TASOR: variants seen among roughly 807,000 people sequenced by gnomAD.
The protein encoded by TASOR is transcription activation suppressor, also known as protein TASOR.
Under a neutral mutation model 178.6 loss-of-function variants are expected in TASOR, and 53 were observed. The observed-to-expected ratio is 0.30, with a 90% CI of 0.24 to 0.37. The LOEUF is 0.37. TASOR is among the 10% of genes least tolerant of loss of function. TASOR has a pLI of 1.00. For synonymous variants in TASOR, 713 were observed against 696.2 expected (o/e 1.02, Z -0.38); for missense variants, 1,815 against 1,971.4 (o/e 0.92, Z 1.50).
chr3:56,654,383 G>T, intron 11 of TASOR, among the ~76,000 whole-genome samples: 1 of 149,900 alleles, frequency 6.7e-6, no homozygotes, highest in African/African-American at 2.5e-5. Flanking sequence ...TTTAAAAGCT[G>T]TGGCAGGGGT....
intron 17 of TASOR, among the ~76,000 whole-genome samples, chr3:56,635,318 G>A (rs2076994140): frequency 6.6e-6 from 1 of 152,180 alleles, no homozygotes; most frequent in African/African-American, 2.4e-5. Flanking sequence ...ATAAGAATTA[G>A]AACTGTATGA....
Position 56,623,354 on chromosome 3 carries a change from G to A in TASOR, c.4696C>T (p.Leu1566Phe). ...ATAGAAGTTCTCTCTTCAGAATCAA[G>A]GTAAGTCTTATCTTCTAATAAACTG... ...QNSLLEDKTYLDSEERTSIDI... is the reference protein window; with the variant it reads ...QNSLLEDKTYFDSEERTSIDI... Residue 1566 changes from leucine (L) to phenylalanine (F), a missense_variant, in exon 24 of 24, where the codon CTT becomes TTT. Leu to Phe is a conservative substitution (Grantham distance 22, BLOSUM62 0). Coordinates refer to ENST00000683822, the MANE Select transcript of TASOR (RefSeq NM_001365635.2). 2 of 1,613,510 alleles carry A rather than the reference G, an allele frequency of 1.2e-6. No individual in the cohort carries two copies. The highest frequency in any genetic ancestry group is 1.7e-6 in the Non-Finnish European group (2 of 1,179,940).
chr3:56,623,155 T>C lies in TASOR; in HGVS notation c.4895A>G (p.Gln1632Arg). The C allele has an allele frequency of 6.2e-7, 1 of 1,613,876 alleles. No individual in the cohort carries two copies. Among genetic ancestry groups the C allele is most frequent in the Non-Finnish European group, 8.5e-7 (1 of 1,179,850 alleles). The change falls in exon 24 of 24, where the codon CAA becomes CGA. Residue 1632 changes from glutamine (Q) to arginine (R), a missense_variant. Gln to Arg is a conservative substitution (Grantham distance 43). Coordinates refer to ENST00000683822, the MANE Select transcript of TASOR (RefSeq NM_001365635.2). ...TPYALSSSQS[Q>R]ENENYFLSAY... ...AGATAAGAAGTAATTCTCATTTTCT[T>C]GAGACTGACTTGATGAAAGGGCATA...
Position 56,660,991 on chromosome 3 carries a change from A to C in TASOR, c.1187T>G (p.Val396Gly). 6.2e-7 allele frequency: 1 copy of C among 1,605,096 alleles called. No individual in the cohort carries two copies. Among genetic ancestry groups the C allele is most frequent in the Non-Finnish European group, 8.5e-7 (1 of 1,173,182 alleles). The change falls in exon 10 of 24, where the codon GTT becomes GGT. Residue 396 changes from valine to glycine, a missense_variant. Physicochemically the swap from Val to Gly is moderately radical, Grantham distance 109. Transcript: ENST00000683822. Reference protein sequence around the residue: ...KLPEKLDVETVMSIDHLKQKI... With the variant: ...KLPEKLDVETGMSIDHLKQKI... ...CTGTTTCAGATGATCAATACTCATA[A>C]CTGTTTCAACATCTAATTTCTCAGG...
chr3:56,631,066 T>C (rs942413027), intron 18 of TASOR, among the ~76,000 whole-genome samples: 1 of 152,084 alleles, frequency 6.6e-6, no homozygotes, highest in Non-Finnish European at 1.5e-5. Context: ...AACTTGTTGC[T>C]GGCTGGTGGG....
At chr3:56,668,255 G>A (rs2030274038) in intron 6 of TASOR, 142 bp downstream of exon 6, 1 of 721,176 alleles carries the variant, frequency 1.4e-6, no homozygotes, top group Non-Finnish European at 2.3e-6. Flanking sequence ...AGCAGCAACA[G>A]ACACTGGAGT....
chr3:56,646,658 C>T lies in TASOR; in HGVS notation c.2079G>A (p.Lys693=). ...ELINLIQCRK[K]SVGGDSDTED... ...CTGTGTCTGAGTCCCCACCCACACT[C>T]TTTTTCCTACACTGAATTAAATTAA... is the stretch of plus-strand genomic sequence containing the variant. Residue 693 remains lysine (K), a synonymous_variant, in exon 14 of 24, where the codon AAG becomes AAA. Coordinates refer to ENST00000683822, the MANE Select transcript of TASOR (RefSeq NM_001365635.2). The T allele has an allele frequency of 6.2e-7, 1 of 1,613,760 alleles. No individual in the cohort carries two copies. The highest frequency in any genetic ancestry group is 8.5e-7 in the Non-Finnish European group (1 of 1,180,004).
At chr3:56,682,650 G>A (rs537342097) in intron 1 of TASOR, 26 bp downstream of exon 1, 15 of 1,438,738 alleles carry the variant, frequency 1.0e-5, no homozygotes, top group African/African-American at 4.3e-5. Flanking sequence ...GAGAGAGAGG[G>A]GGTTGAGAAG....
intron 1 of TASOR, among the ~76,000 whole-genome samples, chr3:56,678,524 T>A (rs754156286): frequency 6.6e-6 from 1 of 152,098 alleles, no homozygotes; most frequent in African/African-American, 2.4e-5. Context: ...GCAGTGGGCA[T>A]TGATATATAA....
chr3:56,621,010 GTTAGTT>G lies in TASOR; in HGVS notation c.*2021_*2026del, dbSNP rs2076452226. The G allele has an allele frequency of 6.6e-6, 1 of 151,548 alleles. No individual in the cohort carries two copies. The highest frequency in any genetic ancestry group is 2.4e-5 in the African/African-American group (1 of 41,196). 9.4% of individuals were successfully genotyped at this position (151,548 alleles called of 1,614,324 possible). On this transcript the variant is annotated 3_prime_UTR_variant, in exon 24 of 24. Transcript: ENST00000683822. ...TACTAAAAATACAAAAAGTTAGTTAGTTAGTTAGCCAGGCGTGGTGGTGGGTGCCTG... is the reference window on the plus strand; with the variant it reads ...TACTAAAAATACAAAAAGTTAGTTAGAGCCAGGCGTGGTGGTGGGTGCCTG...
At chr3:56,649,516 C>T (rs2077305606) in intron 11 of TASOR, among the ~76,000 whole-genome samples, 1 of 152,184 alleles carries the variant, frequency 6.6e-6, no homozygotes, top group Non-Finnish European at 1.5e-5. Context: ...ACACATATTA[C>T]ATGAACACTT....
chr3:56,628,382 G>C, intron 19 of TASOR, 110 bp downstream of exon 19: 1 of 1,058,922 alleles, frequency 9.4e-7, no homozygotes. Flanking sequence ...GGGTCCTTAA[G>C]TTTAATCTCC....
At position 56,649,169 on chromosome 3, in the gene TASOR, T is replaced by C. The variant is rs1578236547; in HGVS notation, c.1369-112A>G. On this transcript the variant is annotated intron_variant, in intron 11 of 23. Transcript: ENST00000683822. ...AAGAAAAAAAGTTCTTAATCATCTT[T>C]TAAGAAAAAATATTGCTAATGAATT... 1.7e-5 allele frequency: 11 copies of C among 662,288 alleles called. No individual in the cohort carries two copies. The East Asian group carries it at 3.3e-4, about 20-fold the overall frequency. 41.0% of individuals were successfully genotyped at this position (662,288 alleles called of 1,614,324 possible).
chr3:56,636,290 A>G (rs1353737269), intron 17 of TASOR, among the ~76,000 whole-genome samples: 1 of 142,186 alleles, frequency 7.0e-6, no homozygotes, highest in Admixed American at 6.9e-5. Context: ...GCAAAAAAAA[A>G]TAGAAAAAAA....
chr3:56,627,838 T>C (rs567875024), intron 19 of TASOR, 97 bp from the exon 20 acceptor site: 2 of 1,048,576 alleles, frequency 1.9e-6, no homozygotes, highest in Admixed American at 4.7e-5. Flanking sequence ...CAGAATGCAT[T>C]ATGGCTCATC....
chr3:56,668,362 G>A lies in TASOR; in HGVS notation c.897+35C>T, dbSNP rs1559849424. On this transcript the variant is annotated intron_variant, in intron 6 of 23. Transcript: ENST00000683822. The stretch of plus-strand genomic sequence containing the variant: ...AAAGGATTTGGTAACAAACAGGTAT[G>A]AGATCACAACATTACAACGGATCCT... 3 of 1,540,908 alleles carry A rather than the reference G, an allele frequency of 1.9e-6. No homozygotes were observed. In the Admixed American group the frequency reaches 6.1e-5, roughly 31 times the overall value.
rs1208986026 is a variant in TASOR, at chr3:56,678,975, G to A, written c.331+3701C>T. On this transcript the variant is annotated intron_variant, in intron 1 of 23. Coordinates refer to ENST00000683822, the MANE Select transcript of TASOR (RefSeq NM_001365635.2). Reference sequence around the variant, plus strand: ...TGCAGTCAGCCGGGATCGCAACACTGCATCCCAGCCTGGGCAACAGAGGCT... The same window carrying A: ...TGCAGTCAGCCGGGATCGCAACACTACATCCCAGCCTGGGCAACAGAGGCT... Among the ~76,000 whole-genome samples, 3 of 143,952 alleles carry A rather than the reference G, an allele frequency of 2.1e-5. No individual in the cohort carries two copies. In the Admixed American group the frequency reaches 2.2e-4, roughly 10 times the overall value. The allele number at this position is 143,952 out of a possible 152,430, so 94.4% of individuals were successfully genotyped here.
rs142955755 is a variant in TASOR at position 56,641,594 on chromosome 3, T to C, written c.2374A>G (p.Thr792Ala). Residue 792 changes from threonine (T) to alanine (A), a missense_variant, in exon 15 of 24, where the codon ACA (threonine) becomes GCA (alanine). By Grantham distance (58) the Thr-to-Ala change is moderately conservative. Coordinates refer to ENST00000683822, the MANE Select transcript of TASOR (RefSeq NM_001365635.2). Reference sequence around the variant, plus strand: ...CTCAATCCTAAGGCTTTGTTGACTGTGTCTGTCAGAGATGCATCAGAATGG... The same window carrying C: ...CTCAATCCTAAGGCTTTGTTGACTGCGTCTGTCAGAGATGCATCAGAATGG... ...ARHSDASLTD[T>A]VNKALGLSTD... 23 of 1,614,068 alleles carry C rather than the reference T, an allele frequency of 1.4e-5. No individual in the cohort carries two copies. In the African/African-American group the frequency reaches 3.1e-4, roughly 22 times the overall value.
intron 11 of TASOR, among the ~76,000 whole-genome samples, chr3:56,658,534 A>T (rs1037056140): frequency 3.3e-5 from 5 of 152,220 alleles, no homozygotes; most frequent in African/African-American, 1.2e-4. Context: ...GATTTTGATG[A>T]TGAGGAATGC....
Sources: allele counts gnomAD v4.1 joint callset (sites outside exome capture counted in the v4.1 genomes callset), GRCh38; gene constraint gnomAD v4.1.1; transcripts MANE v1.5; gene names NCBI Gene and HGNC (gene_info 2026-07-23, HGNC 2026-07-21).